The following ADAMTSL1 variants were observed in gnomAD, a reference collection of about 807,000 sequenced individuals.
ADAMTSL1 encodes ADAMTS like 1, also known as ADAMTS-like protein 1.
In ADAMTSL1, 126 loss-of-function variants were observed where a neutral mutation model predicts 201.8. The ratio of observed to expected loss-of-function variants is 0.62; its 90% CI spans 0.54 to 0.72. The LOEUF is 0.72. Ranked by LOEUF, ADAMTSL1 falls within the 30% of genes least tolerant of loss-of-function variation. ADAMTSL1 has a pLI of 0.00. For synonymous variants in ADAMTSL1, 1,121 were observed against 903.4 expected (o/e 1.24, Z -4.32); for missense variants, 2,679 against 2,277.8 (o/e 1.18, Z -3.59).
chr9:18,834,314 G>A (rs1825179891), intron 23 of ADAMTSL1, among the ~76,000 whole-genome samples: 1 of 151,948 alleles, frequency 6.6e-6, no homozygotes. Context: ...TCTTCTTATC[G>A]ATGAGCATGG....
intron 2 of ADAMTSL1, among the ~76,000 whole-genome samples, chr9:18,346,287 G>A (rs981669563): frequency 2.0e-5 from 3 of 151,410 alleles, no homozygotes; most frequent in African/African-American, 7.3e-5. Context: ...CCAGCCTCTT[G>A]GGCATCCAGC....
intron 15 of ADAMTSL1, among the ~76,000 whole-genome samples, chr9:18,738,033 T>C (rs912672275): frequency 8.5e-5 from 13 of 152,180 alleles, no homozygotes; most frequent in African/African-American, 3.1e-4. Context: ...TTTGTGCAGA[T>C]AAATGAATTA....
At chr9:18,107,549 C>G (rs971530554) in intron 1 of ADAMTSL1, among the ~76,000 whole-genome samples, 2 of 151,976 alleles carry the variant, frequency 1.3e-5, no homozygotes, top group African/African-American at 4.8e-5. Flanking sequence ...ATAAAAATAA[C>G]ATGATTTTTT....
chr9:18,652,769 A>T (rs1243301586), intron 7 of ADAMTSL1, among the ~76,000 whole-genome samples: 1 of 152,102 alleles, frequency 6.6e-6, no homozygotes, highest in Non-Finnish European at 1.5e-5. Flanking sequence ...TCAGGATATA[A>T]CCCCATTGTA....
chr9:18,512,407 A>C (rs1205939756), intron 2 of ADAMTSL1, among the ~76,000 whole-genome samples: 1 of 152,092 alleles, frequency 6.6e-6, no homozygotes, highest in African/African-American at 2.4e-5. Flanking sequence ...CATATCAGGA[A>C]TCTGTAACTC....
chr9:18,149,210 C>A (rs781387121), intron 1 of ADAMTSL1, among the ~76,000 whole-genome samples: 4 of 151,814 alleles, frequency 2.6e-5, no homozygotes, highest in Non-Finnish European at 5.9e-5. Context: ...TCAGACTTAC[C>A]GAGATAATGT....
At position 18,908,713 on chromosome 9, in the gene ADAMTSL1, C is replaced by G. The variant is rs1375827870; in HGVS notation, c.*165C>G. 1 of 584,030 alleles carries G rather than the reference C, an allele frequency of 1.7e-6. No individual in the cohort carries two copies. The highest frequency in any genetic ancestry group is 3.0e-6 in the Non-Finnish European group (1 of 330,844). The allele number at this position is 584,030 out of a possible 1,614,324, so 36.2% of individuals were successfully genotyped here. A position where few individuals can be genotyped will look rare whatever the true frequency, so the allele number is the denominator to read the frequency against. ...CTCCACCTTCAAGCATAAGGACGTC[C>G]GCGTGTTTTCTCTTTCAGTTAGCTG... is the stretch of plus-strand genomic sequence containing the variant. On this transcript the variant is annotated 3_prime_UTR_variant, in exon 29 of 29. Transcript: ENST00000380548.
chr9:18,821,733 C>T (rs751375920), intron 21 of ADAMTSL1, among the ~76,000 whole-genome samples: 2 of 152,104 alleles, frequency 1.3e-5, no homozygotes, highest in Non-Finnish European at 2.9e-5. Flanking sequence ...CCCTAAGCCA[C>T]CCTACCTCCA....
intron 2 of ADAMTSL1, among the ~76,000 whole-genome samples, chr9:18,433,655 G>C (rs1819595033): frequency 1.3e-5 from 2 of 152,082 alleles, no homozygotes. Context: ...TTTATCACCA[G>C]TTTTATATTA....
chr9:17,939,997 T>C (rs151328969), intron 1 of ADAMTSL1, among the ~76,000 whole-genome samples: 22 of 152,100 alleles, frequency 1.4e-4, no homozygotes, highest in African/African-American at 5.3e-4. Context: ...GAGAACAGCA[T>C]TGCAGAGGCA....
At chr9:18,797,614 G>A (rs1822509084) in intron 20 of ADAMTSL1, among the ~76,000 whole-genome samples, 1 of 152,168 alleles carries the variant, frequency 6.6e-6, no homozygotes, top group African/African-American at 2.4e-5. Flanking sequence ...TTGGAGGGGT[G>A]GGGGTGAATG....
In ADAMTSL1 at chr9:18,494,419, A is replaced by T. The variant is rs74785319; in HGVS notation, c.64-10410A>T. 1.6e-3 allele frequency among the ~76,000 whole-genome samples: 249 copies of T among 152,150 alleles called. 2 individuals carry two copies. The highest frequency in any genetic ancestry group is 5.7e-3 in the African/African-American group (236 of 41,532). ...AGATAAGAGAAAATTTTACTAGAAGATGGCAGTGGCATTGCATCTTAGAGC... is the reference window on the plus strand; with the variant it reads ...AGATAAGAGAAAATTTTACTAGAAGTTGGCAGTGGCATTGCATCTTAGAGC... On this transcript the variant is annotated intron_variant, in intron 1 of 28. Coordinates refer to ENST00000380548, the MANE Select transcript of ADAMTSL1 (RefSeq NM_001040272.6).
intron 20 of ADAMTSL1, among the ~76,000 whole-genome samples, chr9:18,814,674 G>A (rs1305994127): frequency 2.0e-5 from 3 of 152,170 alleles, no homozygotes; most frequent in African/African-American, 7.2e-5. Flanking sequence ...ATAACTGGGA[G>A]CTAAATGATG....
chr9:18,017,023 C>T (rs1044934907), intron 1 of ADAMTSL1, among the ~76,000 whole-genome samples: 2 of 152,026 alleles, frequency 1.3e-5, no homozygotes, highest in Admixed American at 6.6e-5. Context: ...TGGATACTTT[C>T]CCTTCTCTTT....
intron 1 of ADAMTSL1, among the ~76,000 whole-genome samples, chr9:18,154,248 A>T: frequency 6.6e-6 from 1 of 151,956 alleles, no homozygotes; most frequent in East Asian, 1.9e-4. Context: ...ACCAACCCAA[A>T]CGTAGTGGTT....
At chr9:18,028,341 G>T (rs748903979) in intron 1 of ADAMTSL1, among the ~76,000 whole-genome samples, 1 of 152,030 alleles carries the variant, frequency 6.6e-6, no homozygotes, top group African/African-American at 2.4e-5. Context: ...TGTAAGGCTG[G>T]TGTAGTGGAA....
At chr9:18,444,749 G>A (rs1453017033) in intron 2 of ADAMTSL1, among the ~76,000 whole-genome samples, 1 of 152,046 alleles carries the variant, frequency 6.6e-6, no homozygotes, top group Non-Finnish European at 1.5e-5. Context: ...CAGGCAGGAG[G>A]GTATGGCAAC....
chr9:18,003,221 G>A (rs1193199384), intron 1 of ADAMTSL1, among the ~76,000 whole-genome samples: 1 of 151,948 alleles, frequency 6.6e-6, no homozygotes, highest in Non-Finnish European at 1.5e-5. Flanking sequence ...CAGATTCTTG[G>A]CTTGCCTTTT....
intron 17 of ADAMTSL1, among the ~76,000 whole-genome samples, chr9:18,774,154 C>T (rs1820848228): frequency 6.6e-6 from 1 of 152,128 alleles, no homozygotes; most frequent in Admixed American, 6.5e-5. Flanking sequence ...TGACAGCCTC[C>T]TTCCCCGATG....
Sources: gnomAD v4.1 joint callset for allele counts (sites outside exome capture counted in the v4.1 genomes callset) on GRCh38, gnomAD v4.1.1 for gene constraint, MANE v1.5 for transcripts, NCBI Gene and HGNC (gene_info 2026-07-23, HGNC 2026-07-21) for gene names.